Variants in RYR2 observed in about 807,000 individuals in gnomAD.
RYR2 encodes the protein ryanodine receptor 2.
RYR2 carries 227 observed loss-of-function variants against 601.1 expected under a neutral mutation model. That is an observed-to-expected ratio of 0.38 (90% CI 0.34 to 0.42). RYR2 has a LOEUF of 0.42. Among genes scored for constraint, RYR2 ranks in the 10% least tolerant of loss-of-function variants. The pLI is 1.00. For synonymous variants in RYR2, 2,223 were observed against 2,175.1 expected, an observed-to-expected ratio of 1.02 and a Z score of -0.61; for missense variants, 4,646 against 6,156.5, an observed-to-expected ratio of 0.75 and a Z score of 8.21.
At chr1:237,269,936 AC>A (rs778402677) in intron 1 of RYR2, among the ~76,000 whole-genome samples, 1 of 152,198 alleles carries the variant, frequency 6.6e-6, no homozygotes, top group African/African-American at 2.4e-5. Flanking sequence ...GTCTCTCCAT[AC>A]ATTTTTAAGC....
At chr1:237,597,531 C>T (rs555712595) in intron 34 of RYR2, among the ~76,000 whole-genome samples, 5 of 151,916 alleles carry the variant, frequency 3.3e-5, no homozygotes, top group Admixed American at 6.6e-5. Flanking sequence ...CCGCTCACCT[C>T]GGCCTCCCAA....
rs1258574219 is a variant in RYR2 at position 237,117,745 on chromosome 1, CT to C, written c.48+75177del. ...CTCTTCTCTTCTCTTCTCTTCTCTTCTCTTCTCTTCTCTGTTCTGAGACAGA... is the reference window on the plus strand; with the variant it reads ...CTCTTCTCTTCTCTTCTCTTCTCTTCCTTCTCTTCTCTGTTCTGAGACAGA... On this transcript the variant is annotated intron_variant, in intron 1 of 104. Coordinates refer to ENST00000366574, the MANE Select transcript of RYR2 (RefSeq NM_001035.3). Among the ~76,000 whole-genome samples the C allele has an allele frequency of 1.5e-3, 189 of 122,432 alleles. 1 individual carries two copies. The highest frequency in any genetic ancestry group is 5.9e-3 in the African/African-American group (182 of 30,938). The allele number at this position is 122,432 out of a possible 152,430, so 80.3% of individuals were successfully genotyped here.
chr1:237,061,273 TATC>T lies in RYR2; in HGVS notation c.48+18708_48+18710del, dbSNP rs1558163977. Among the ~76,000 whole-genome samples, 1,086 of 128,876 alleles carry T rather than the reference TATC, an allele frequency of 8.4e-3. 12 individuals are homozygous for T. Among genetic ancestry groups the T allele is most frequent in the South Asian group, 0.044 (162 of 3,692 alleles). 84.5% of individuals were successfully genotyped at this position (128,876 alleles called of 152,430 possible). On this transcript the variant is annotated intron_variant, in intron 1 of 104. Transcript: ENST00000366574. ...TCTATCATCTATCTATCTATCCATC[TATC>T]ATCTATCTATCTATCTATCTATCTA...
At chr1:237,499,742 G>T (rs1020947134) in intron 20 of RYR2, among the ~76,000 whole-genome samples, 9 of 152,084 alleles carry the variant, frequency 5.9e-5, no homozygotes, top group African/African-American at 2.2e-4. Context: ...ATATTGGCAT[G>T]CTAGAAATAA....
intron 35 of RYR2, among the ~76,000 whole-genome samples, chr1:237,607,866 C>T (rs2148549284): frequency 6.6e-6 from 1 of 152,228 alleles, no homozygotes; most frequent in South Asian, 2.1e-4. Context: ...TATTTGAGCT[C>T]AGTTTCTGCA....
intron 1 of RYR2, among the ~76,000 whole-genome samples, chr1:237,244,563 C>T (rs1226438713): frequency 6.6e-6 from 1 of 152,078 alleles, no homozygotes; most frequent in Admixed American, 6.6e-5. Flanking sequence ...CTGATGGAAC[C>T]AATGTGTTGG....
chr1:237,765,318 AT>A (rs5781989), intron 84 of RYR2, among the ~76,000 whole-genome samples: 66,383 of 149,562 alleles, frequency 0.44, 16,093 homozygotes, highest in African/African-American at 0.67. Flanking sequence ...AAGATACTGA[AT>A]TTTTTTTTTT....
At chr1:237,331,802 C>G (rs746058358) in intron 3 of RYR2, among the ~76,000 whole-genome samples, 1 of 152,090 alleles carries the variant, frequency 6.6e-6, no homozygotes, top group Admixed American at 6.5e-5. Flanking sequence ...GCGTGAGCCA[C>G]CGCGCCCAGC....
rs371303783 is a variant in RYR2 at position 237,566,608 on chromosome 1, C to T, written c.3256C>T (p.Arg1086Ter). The T allele has an allele frequency of 2.5e-6, 4 of 1,613,858 alleles. No homozygotes were observed. Among genetic ancestry groups the T allele is most frequent in the Non-Finnish European group, 3.4e-6 (4 of 1,179,892 alleles). The change falls in exon 28 of 105, where the codon CGA (arginine) becomes TGA (stop). Residue 1086 changes from arginine to a stop codon, truncating the protein, a stop_gained. Coordinates refer to ENST00000366574, the MANE Select transcript of RYR2 (RefSeq NM_001035.3). LOFTEE classifies it high-confidence loss of function. ...GTGCAGCGGCACCGGGGAAAGGTTC[C>T]GAATCTTCCGTGCCGAGAAGACCTA... ...EVCSGTGERF[R>*]IFRAEKTYAV...
intron 1 of RYR2, among the ~76,000 whole-genome samples, chr1:237,148,537 T>TATATATATATACACACAC (rs1674314077): frequency 1.6e-5 from 2 of 128,612 alleles, no homozygotes; most frequent in African/African-American, 6.4e-5. Context: ...AATATATATA[T>TATATATATATACACACAC]ATATATATAT....
rs550717402 is a variant in RYR2, at chr1:237,108,500, G to C, written c.48+65931G>C. Among the ~76,000 whole-genome samples, 558 of 152,350 alleles carry C rather than the reference G, an allele frequency of 3.7e-3. 5 individuals carry two copies. Among genetic ancestry groups the C allele is most frequent in the African/African-American group, 0.013 (527 of 41,582 alleles). On this transcript the variant is annotated intron_variant, in intron 1 of 104. Coordinates refer to ENST00000366574, the MANE Select transcript of RYR2 (RefSeq NM_001035.3). ...GAGCAGGGCCGCTGGAGCAGCAACA[G>C]AACCTTGCAGCCTGCAGAAGCTCAC...
intron 17 of RYR2, 69 bp downstream of exon 17, chr1:237,469,256 GACAAAAA>G: frequency 2.0e-5 from 1 of 50,950 alleles, no homozygotes. Flanking sequence ...TATCCTTTAA[GACAAAAA>G]AAAAAAAAAA....
intron 70 of RYR2, among the ~76,000 whole-genome samples, 156 bp from the exon 71 acceptor site, chr1:237,711,589 C>G (rs2149078636): frequency 6.6e-6 from 1 of 152,326 alleles, no homozygotes; most frequent in Admixed American, 6.5e-5. Flanking sequence ...CAAGTACCCT[C>G]ATTAGATACT....
intron 80 of RYR2, among the ~76,000 whole-genome samples, chr1:237,752,304 C>T (rs2149249510): frequency 6.6e-6 from 1 of 152,144 alleles, no homozygotes; most frequent in Non-Finnish European, 1.5e-5. Flanking sequence ...AGGTGCACAC[C>T]ACGAAGCCTG....
intron 58 of RYR2, among the ~76,000 whole-genome samples, chr1:237,672,749 T>C (rs1451699498): frequency 6.6e-6 from 1 of 152,226 alleles, no homozygotes; most frequent in East Asian, 1.9e-4. Context: ...AGTAACATAT[T>C]CTATACCCTC....
intron 8 of RYR2, among the ~76,000 whole-genome samples, chr1:237,385,075 G>C (rs1701858417): frequency 6.6e-6 from 1 of 151,832 alleles, no homozygotes; most frequent in Admixed American, 6.6e-5. Context: ...ATTTTTAGTA[G>C]AGACAGGGTT....
At chr1:237,342,323 T>A (rs1022178033) in intron 3 of RYR2, among the ~76,000 whole-genome samples, 1 of 151,106 alleles carries the variant, frequency 6.6e-6, no homozygotes, top group African/African-American at 2.4e-5. Context: ...ATTTTTTTTT[T>A]TTTTTTTTTT....
intron 1 of RYR2, among the ~76,000 whole-genome samples, chr1:237,105,524 C>G (rs753775321): frequency 4.6e-5 from 7 of 152,024 alleles, no homozygotes; most frequent in Non-Finnish European, 1.0e-4. Context: ...TGGTGAAAAC[C>G]TGTCTCTACT....
chr1:237,389,377 C>G (rs1472506545), intron 10 of RYR2, among the ~76,000 whole-genome samples: 2 of 152,080 alleles, frequency 1.3e-5, no homozygotes, highest in African/African-American at 2.4e-5. Context: ...CGTGGGCTGG[C>G]TTCTATTCTG....
Sources: gnomAD v4.1 joint callset for allele counts (sites outside exome capture counted in the v4.1 genomes callset) on GRCh38, gnomAD v4.1.1 for gene constraint, MANE v1.5 for transcripts, NCBI Gene and HGNC (gene_info 2026-07-23, HGNC 2026-07-21) for gene names.